DGKB: variants seen among roughly 807,000 people sequenced by gnomAD.
DGKB encodes the protein diacylglycerol kinase beta, also known as 90 kDa diacylglycerol kinase.
DGKB carries 67 observed loss-of-function variants against 114.3 expected under a neutral mutation model. The observed-to-expected ratio is 0.59, with a 90% CI of 0.48 to 0.72. The LOEUF (loss-of-function observed/expected upper bound fraction) is 0.72, where lower values mean the gene tolerates loss of function less well. Ranked by LOEUF, DGKB falls within the 30% of genes least tolerant of loss-of-function variation. The probability of loss-of-function intolerance (pLI) is 0.00; values close to 1 mark genes in which losing one functional copy is unlikely to be tolerated. For missense variants in DGKB, 907 were observed against 975.2 expected (o/e 0.93, Z 0.93); for synonymous variants, 398 against 323.1 (o/e 1.23, Z -2.49).
chr7:14,279,734 C>T (rs1306806282), intron 23 of DGKB, among the ~76,000 whole-genome samples: 1 of 151,350 alleles, frequency 6.6e-6, no homozygotes, highest in Non-Finnish European at 1.5e-5. Context: ...GGGAGGCACC[C>T]TCCAGCAGGG....
intron 1 of DGKB, among the ~76,000 whole-genome samples, chr7:14,843,410 C>T (rs956561588): frequency 7.3e-6 from 1 of 136,248 alleles, no homozygotes; most frequent in Non-Finnish European, 1.5e-5. Context: ...TCTCGGCTCA[C>T]TGCAAGCTCC....
chr7:14,657,368 G>C (rs911641922), intron 13 of DGKB, among the ~76,000 whole-genome samples: 2 of 151,620 alleles, frequency 1.3e-5, no homozygotes, highest in African/African-American at 4.8e-5. Context: ...GGAAAAATGA[G>C]GTTTCTTTTT....
chr7:14,754,535 G>A (rs895734487), intron 3 of DGKB, among the ~76,000 whole-genome samples: 1 of 151,632 alleles, frequency 6.6e-6, no homozygotes, highest in African/African-American at 2.4e-5. Flanking sequence ...TCTCAGCTGT[G>A]AGTGGAACAA....
At chr7:14,435,350 T>C (rs1304812812) in intron 21 of DGKB, among the ~76,000 whole-genome samples, 1 of 152,120 alleles carries the variant, frequency 6.6e-6, no homozygotes, top group Non-Finnish European at 1.5e-5. Flanking sequence ...AAGAACGCAG[T>C]ATGTAGAGGA....
chr7:14,246,232 C>A (rs1453102350), intron 23 of DGKB, among the ~76,000 whole-genome samples: 1 of 152,092 alleles, frequency 6.6e-6, no homozygotes, highest in Non-Finnish European at 1.5e-5. Flanking sequence ...TGGCTAATAA[C>A]TTTTGAGTGG....
At chr7:14,957,380 G>C (rs1786570820) in intron 1 of DGKB, among the ~76,000 whole-genome samples, 1 of 151,984 alleles carries the variant, frequency 6.6e-6, no homozygotes, top group Non-Finnish European at 1.5e-5. Flanking sequence ...ATGTGATCTA[G>C]CATTGGAGAC....
chr7:14,371,662 G>A (rs1477057442), intron 21 of DGKB, among the ~76,000 whole-genome samples: 1 of 152,086 alleles, frequency 6.6e-6, no homozygotes, highest in Non-Finnish European at 1.5e-5. Context: ...TTGCTAGGCA[G>A]AAGCTCTTTA....
intron 1 of DGKB, among the ~76,000 whole-genome samples, chr7:14,947,741 T>A (rs890252963): frequency 2.0e-5 from 3 of 151,664 alleles, no homozygotes; most frequent in Admixed American, 6.6e-5. Flanking sequence ...TGGTATATAC[T>A]CAGTTCCCCA....
chr7:14,937,287 T>G (rs907593830), intron 1 of DGKB, among the ~76,000 whole-genome samples: 1 of 152,024 alleles, frequency 6.6e-6, no homozygotes, highest in Admixed American at 6.6e-5. Flanking sequence ...AAAGTTTATA[T>G]GAAGACTCTC....
chr7:14,654,221 G>A (rs569687185), intron 13 of DGKB, among the ~76,000 whole-genome samples: 5 of 152,100 alleles, frequency 3.3e-5, no homozygotes, highest in Admixed American at 6.6e-5. Context: ...AAAAAAATCA[G>A]TAGCATTCCT....
At chr7:14,414,982 T>C (rs2116531) in intron 21 of DGKB, among the ~76,000 whole-genome samples, 49,118 of 151,820 alleles carry the variant, frequency 0.32, 8,612 homozygotes, top group East Asian at 0.48. Context: ...ATGTGATCTA[T>C]GTTGAAACAA....
rs1796720454 is a variant in DGKB, at chr7:14,561,970, C to T, written c.1770+12242G>A. ...TGTGGCAGCCCCCCTCATCACAGGC[C>T]TGGGGGCCTTGGAGGAAAAAATGGT... On this transcript the variant is annotated intron_variant, in intron 20 of 25. Transcript: ENST00000402815. Among the ~76,000 whole-genome samples the T allele has an allele frequency of 2.0e-5, 3 of 152,294 alleles. No homozygotes were observed. The South Asian group carries it at 6.2e-4, about 32-fold the overall frequency.
At chr7:14,959,043 A>G (rs1786685996) in intron 1 of DGKB, among the ~76,000 whole-genome samples, 1 of 152,088 alleles carries the variant, frequency 6.6e-6, no homozygotes, top group African/African-American at 2.4e-5. Context: ...TTGGTGTTTT[A>G]TATGATATTT....
intron 2 of DGKB, among the ~76,000 whole-genome samples, chr7:14,774,612 C>A (rs565080279): frequency 6.0e-4 from 91 of 152,228 alleles, no homozygotes; most frequent in Admixed American, 1.7e-3. Flanking sequence ...AATTGAATAT[C>A]AATTATTCTT....
At chr7:14,840,744 A>ACACACCC (rs1554298987) in intron 2 of DGKB, among the ~76,000 whole-genome samples, 1 of 116,238 alleles carries the variant, frequency 8.6e-6, no homozygotes, top group Non-Finnish European at 1.8e-5. Flanking sequence ...ACACACACAC[A>ACACACCC]CCTCTCCCTT....
chr7:14,795,656 G>A (rs1166219565), intron 2 of DGKB, among the ~76,000 whole-genome samples: 1 of 152,070 alleles, frequency 6.6e-6, no homozygotes, highest in Non-Finnish European at 1.5e-5. Flanking sequence ...TGGAGTGGGA[G>A]GGGCCACTCA....
At chr7:14,455,476 T>A (rs923208841) in intron 21 of DGKB, among the ~76,000 whole-genome samples, 10 of 152,042 alleles carry the variant, frequency 6.6e-5, no homozygotes, top group African/African-American at 2.4e-4. Flanking sequence ...TTTATGCCAT[T>A]ATTCTGTTCA....
chr7:14,330,840 T>G lies in DGKB; in HGVS notation c.2122+7675A>C, dbSNP rs116175484. Among the ~76,000 whole-genome samples, 121 of 152,160 alleles carry G rather than the reference T, an allele frequency of 8.0e-4. 1 individual carries two copies. Among genetic ancestry groups the G allele is most frequent in the African/African-American group, 2.6e-3 (108 of 41,564 alleles). On this transcript the variant is annotated intron_variant, in intron 23 of 25. Coordinates refer to ENST00000402815, the MANE Select transcript of DGKB (RefSeq NM_001350709.2). Reference sequence around the variant, plus strand: ...TGACAAATAGAAATTTCATTAATGCTTCTCGATAATGCATGTGCTTTTATA... The same window carrying G: ...TGACAAATAGAAATTTCATTAATGCGTCTCGATAATGCATGTGCTTTTATA...
chr7:14,435,008 A>C (rs1466130157), intron 21 of DGKB, among the ~76,000 whole-genome samples: 1 of 152,118 alleles, frequency 6.6e-6, no homozygotes, highest in Non-Finnish European at 1.5e-5. Context: ...CATAACCAGA[A>C]AAGTTATATT....
Sources: allele counts gnomAD v4.1 joint callset (sites outside exome capture counted in the v4.1 genomes callset), GRCh38; gene constraint gnomAD v4.1.1; transcripts MANE v1.5; gene names NCBI Gene and HGNC (gene_info 2026-07-23, HGNC 2026-07-21).